Variants in TCF12 observed in about 807,000 individuals in gnomAD.
TCF12 encodes the protein transcription factor 12, also known as DNA-binding protein HTF4.
Under a neutral mutation model 86.0 loss-of-function variants are expected in TCF12, and 45 were observed. The observed-to-expected ratio is 0.52, with a 90% CI of 0.41 to 0.67. TCF12 has a LOEUF of 0.67. Ranked by LOEUF, TCF12 falls within the 30% of genes least tolerant of loss-of-function variation. The probability of loss-of-function intolerance (pLI) is 0.00; values close to 1 mark genes in which losing one functional copy is unlikely to be tolerated. For missense variants in TCF12, 881 were observed against 859.9 expected (o/e 1.02, Z -0.31); for synonymous variants, 330 against 299.6 (o/e 1.10, Z -1.05).
At chr15:57,129,671 C>G (rs1311266761) in intron 5 of TCF12, 3 of 152,226 alleles carry the variant, frequency 2.0e-5, no homozygotes, top group African/African-American at 7.2e-5. Context: ...TGGCCTTGCA[C>G]TATTTTTGAG....
intron 8 of TCF12, among the ~76,000 whole-genome samples, chr15:57,213,282 A>G (rs570718446): frequency 3.3e-5 from 5 of 152,236 alleles, no homozygotes; most frequent in Non-Finnish European, 7.3e-5. Context: ...ATAAGAAACC[A>G]TTCTTAAAAG....
At chr15:56,931,304 A>C (rs755831631) in intron 3 of TCF12, among the ~76,000 whole-genome samples, 6 of 152,152 alleles carry the variant, frequency 3.9e-5, no homozygotes, top group Non-Finnish European at 8.8e-5. Flanking sequence ...GAGGAGAGAG[A>C]AGCTTTCTCA....
intron 3 of TCF12, among the ~76,000 whole-genome samples, chr15:56,952,860 T>A (rs2061343663): frequency 6.6e-6 from 1 of 152,150 alleles, no homozygotes; most frequent in African/African-American, 2.4e-5. Context: ...TTTTTTAAAT[T>A]GCCTGATTGT....
At chr15:57,003,390 A>G (rs2064163128) in intron 3 of TCF12, among the ~76,000 whole-genome samples, 2 of 152,214 alleles carry the variant, frequency 1.3e-5, no homozygotes, top group African/African-American at 4.8e-5. Flanking sequence ...CATTGAGCTC[A>G]CAATCAACAA....
At chr15:57,028,799 T>C (rs1336048214) in intron 3 of TCF12, among the ~76,000 whole-genome samples, 1 of 152,000 alleles carries the variant, frequency 6.6e-6, no homozygotes, top group East Asian at 1.9e-4. Flanking sequence ...TTATATGTAG[T>C]CCTTTTTTTT....
intron 3 of TCF12, among the ~76,000 whole-genome samples, chr15:56,999,472 A>T (rs1344221541): frequency 1.3e-5 from 2 of 152,214 alleles, no homozygotes; most frequent in East Asian, 1.9e-4. Context: ...AAAAAACTCT[A>T]TGCACATAAA....
At chr15:56,942,374 GTTTT>G (rs2060817263) in intron 3 of TCF12, among the ~76,000 whole-genome samples, 1 of 152,156 alleles carries the variant, frequency 6.6e-6, no homozygotes, top group Non-Finnish European at 1.5e-5. Context: ...TAATCTGACT[GTTTT>G]CATTGACTAT....
chr15:57,112,998 A>T lies in TCF12; in HGVS notation c.325+21107A>T, dbSNP rs144607962. ...AAGAATTCTGCTTTTTCATGGTAAG[A>T]AGTTATCGTGGATCTCCTGCACATC... is the stretch of plus-strand genomic sequence containing the variant. On this transcript the variant is annotated intron_variant, in intron 5 of 20. Transcript: ENST00000333725. Among the ~76,000 whole-genome samples, 493 of 152,302 alleles carry T rather than the reference A, an allele frequency of 3.2e-3. 2 individuals carry two copies. The highest frequency in any genetic ancestry group is 0.011 in the African/African-American group (472 of 41,560).
intron 6 of TCF12, among the ~76,000 whole-genome samples, chr15:57,180,806 A>ATTTTTTTTTTTTTTTTTT (rs34557385): frequency 3.7e-5 from 3 of 82,122 alleles, no homozygotes; most frequent in African/African-American, 5.1e-5. Context: ...GATGCTAATA[A>ATTTTTTTTTTTTTTTTTT]TTTTTTTTTT....
At chr15:56,997,901 A>C (rs1193298858) in intron 3 of TCF12, among the ~76,000 whole-genome samples, 1 of 152,198 alleles carries the variant, frequency 6.6e-6, no homozygotes, top group Non-Finnish European at 1.5e-5. Context: ...TTGGAAAGAA[A>C]ACCCTAGTGG....
chr15:56,998,144 A>T (rs570940457), intron 3 of TCF12, among the ~76,000 whole-genome samples: 12 of 152,300 alleles, frequency 7.9e-5, no homozygotes, highest in African/African-American at 2.6e-4. Flanking sequence ...AGTAGACAGA[A>T]ATTACTAATG....
chr15:57,139,106 AAATT>A (rs1348770740), intron 5 of TCF12, among the ~76,000 whole-genome samples: 1 of 152,088 alleles, frequency 6.6e-6, no homozygotes, highest in Non-Finnish European at 1.5e-5. Flanking sequence ...AATTTAGACA[AAATT>A]AATCTCAGTC....
At chr15:56,985,778 T>C (rs995001587) in intron 3 of TCF12, among the ~76,000 whole-genome samples, 4 of 152,194 alleles carry the variant, frequency 2.6e-5, no homozygotes, top group Non-Finnish European at 5.9e-5. Flanking sequence ...ATAACGTGTT[T>C]AATTCTGAGT....
At chr15:57,021,396 T>G (rs528750844) in intron 3 of TCF12, among the ~76,000 whole-genome samples, 1 of 152,322 alleles carries the variant, frequency 6.6e-6, no homozygotes, top group Non-Finnish European at 1.5e-5. Flanking sequence ...CTCACGCCTG[T>G]AATCCCAGCA....
intron 12 of TCF12, 51 bp downstream of exon 12, chr15:57,234,158 A>G (rs771791015): frequency 1.4e-6 from 2 of 1,382,656 alleles, no homozygotes; most frequent in Admixed American, 3.4e-5. Context: ...ACTACTGAAT[A>G]CAGTGATTAG....
At chr15:57,015,251 G>A (rs1187987386) in intron 3 of TCF12, among the ~76,000 whole-genome samples, 1 of 152,330 alleles carries the variant, frequency 6.6e-6, no homozygotes, top group Admixed American at 6.5e-5. Flanking sequence ...TTGTGCCACT[G>A]CACTCCAGCC....
intron 6 of TCF12, among the ~76,000 whole-genome samples, chr15:57,182,827 T>G (rs2056439138): frequency 6.6e-6 from 1 of 152,170 alleles, no homozygotes; most frequent in Admixed American, 6.5e-5. Context: ...AGATAAAAAA[T>G]CTGCCAATAT....
At chr15:57,238,018 A>G (rs1037822503) in intron 12 of TCF12, among the ~76,000 whole-genome samples, 1 of 152,200 alleles carries the variant, frequency 6.6e-6, no homozygotes, top group Non-Finnish European at 1.5e-5. Flanking sequence ...AAATTTAGGA[A>G]AAGTATTGAT....
chr15:57,115,817 G>A (rs778768420), intron 5 of TCF12, among the ~76,000 whole-genome samples: 8 of 150,664 alleles, frequency 5.3e-5, no homozygotes, highest in Non-Finnish European at 8.8e-5. Flanking sequence ...ATGATAAAGA[G>A]TTTAGCACCC....
Sources: gnomAD v4.1 joint callset for allele counts (sites outside exome capture counted in the v4.1 genomes callset) on GRCh38, gnomAD v4.1.1 for gene constraint, MANE v1.5 for transcripts, NCBI Gene and HGNC (gene_info 2026-07-23, HGNC 2026-07-21) for gene names.